The following SIDT1 variants were observed in gnomAD, a reference collection of about 807,000 sequenced individuals.
SIDT1 encodes SID1 transmembrane family, member 1.
SIDT1 carries 101 observed loss-of-function variants against 107.5 expected under a neutral mutation model. That is an observed-to-expected ratio of 0.94 (90% CI 0.80 to 1.11). SIDT1 has a LOEUF of 1.11. Ranked by LOEUF, SIDT1 falls within the 50% of genes least tolerant of loss-of-function variation. The probability of loss-of-function intolerance (pLI) is 0.00; values close to 1 mark genes in which losing one functional copy is unlikely to be tolerated. For missense variants in SIDT1, 1,076 were observed against 1,058.2 expected, an observed-to-expected ratio of 1.02 and a Z score of -0.23; for synonymous variants, 395 against 398.2, an observed-to-expected ratio of 0.99 and a Z score of 0.10.
intron 19 of SIDT1, 36 bp from the exon 20 acceptor site, chr3:113,616,064 C>T (rs200730487): frequency 6.7e-7 from 1 of 1,497,230 alleles, no homozygotes; most frequent in Admixed American, 1.7e-5. Flanking sequence ...TTTTTGTTGA[C>T]TAAGCCTTCT....
At chr3:113,551,869 A>C (rs1240296549) in intron 1 of SIDT1, among the ~76,000 whole-genome samples, 1 of 149,414 alleles carries the variant, frequency 6.7e-6, no homozygotes, top group Admixed American at 6.7e-5. Flanking sequence ...TGTGTGTTTT[A>C]TTTTCATCAA....
At chr3:113,560,416 G>A (rs1169065493) in intron 1 of SIDT1, among the ~76,000 whole-genome samples, 1 of 152,204 alleles carries the variant, frequency 6.6e-6, no homozygotes, top group Non-Finnish European at 1.5e-5. Flanking sequence ...GGGCACAGTT[G>A]CCTTTAGAAT....
rs1374498696 is a variant in SIDT1 at position 113,629,209 on chromosome 3, T to C, written c.*1501T>C. On this transcript the variant is annotated 3_prime_UTR_variant, in exon 25 of 25. Transcript: ENST00000264852. ...ATTTTAGAAGTTTGAACAGCAAGCTTTTCCTGATTTTAAAAACACAAAGTT... is the reference window on the plus strand; with the variant it reads ...ATTTTAGAAGTTTGAACAGCAAGCTCTTCCTGATTTTAAAAACACAAAGTT... 6.6e-6 allele frequency: 1 copy of C among 152,234 alleles called. No homozygotes were observed. The highest frequency in any genetic ancestry group is 2.4e-5 in the African/African-American group (1 of 41,456). The allele number at this position is 152,234 out of a possible 1,614,324, so 9.4% of individuals were successfully genotyped here.
chr3:113,533,340 CTT>C, intron 1 of SIDT1, 97 bp downstream of exon 1: 1 of 959,378 alleles, frequency 1.0e-6, no homozygotes, highest in Non-Finnish European at 1.4e-6. Context: ...CCTTGGGAGA[CTT>C]CGGGGACCAG....
Position 113,580,618 on chromosome 3 carries a change from A to G in SIDT1, c.572A>G (p.Tyr191Cys), listed in dbSNP as rs758518132. 1.3e-6 allele frequency: 2 copies of G among 1,598,404 alleles called. No individual in the cohort carries two copies. The highest frequency in any genetic ancestry group is 1.3e-5 in the African/African-American group (1 of 74,656). ...ASPSQPQYFL[Y>C]KFPKDVDSVI... ...TTTTCTTATTCTCAGTATTTTCTATACAAGTTTCCCAAAGACGTGGACTCA... is the reference window on the plus strand; with the variant it reads ...TTTTCTTATTCTCAGTATTTTCTATGCAAGTTTCCCAAAGACGTGGACTCA... The change falls in exon 5 of 25, where the codon TAC becomes TGC. Residue 191 changes from tyrosine (Y) to cysteine (C), a missense_variant. Transcript: ENST00000264852.
chr3:113,605,274 C>A (rs1366241720), intron 14 of SIDT1, among the ~76,000 whole-genome samples: 1 of 152,064 alleles, frequency 6.6e-6, no homozygotes, highest in Non-Finnish European at 1.5e-5. Context: ...AGGCATGTGC[C>A]ACCATGCCCA....
At chr3:113,619,834 A>AG (rs775264676) in intron 21 of SIDT1, 108 bp downstream of exon 21, 1 of 1,007,146 alleles carries the variant, frequency 9.9e-7, no homozygotes. Flanking sequence ...ATTAAGGAGA[A>AG]GGTAGGACTG....
intron 23 of SIDT1, among the ~76,000 whole-genome samples, chr3:113,624,694 C>T (rs1027770197): frequency 2.6e-5 from 4 of 152,096 alleles, no homozygotes; most frequent in African/African-American, 9.7e-5. Flanking sequence ...CTCCCTCTCC[C>T]CCCACCCTTC....
Position 113,623,725 on chromosome 3 carries a change from A to G in SIDT1, c.2299A>G (p.Ser767Gly). The G allele has an allele frequency of 1.9e-6, 3 of 1,612,762 alleles. No individual in the cohort carries two copies. The highest frequency in any genetic ancestry group is 2.5e-6 in the Non-Finnish European group (3 of 1,178,902). Residue 767 changes from serine (S) to glycine (G), a missense_variant, in exon 23 of 25, where the codon AGC becomes GGC. Coordinates refer to ENST00000264852, the MANE Select transcript of SIDT1 (RefSeq NM_017699.3). ...ATATTTTTTCTTCCAGAATCTCAGCAGCTGGGAGGTAAGAGGCCAGTTTTC... is the reference window on the plus strand; with the variant it reads ...ATATTTTTTCTTCCAGAATCTCAGCGGCTGGGAGGTAAGAGGCCAGTTTTC... ...ALYFFFQNLS[S>G]WEGTPAESRE... is the part of the protein sequence containing the mutation.
chr3:113,601,345 T>G (rs1944944582), intron 10 of SIDT1: 1 of 371,596 alleles, frequency 2.7e-6, no homozygotes, highest in African/African-American at 2.1e-5. Context: ...AACATTATTC[T>G]TCTTTGGATT....
chr3:113,592,688 A>C, intron 9 of SIDT1: 1 of 301,252 alleles, frequency 3.3e-6, no homozygotes, highest in Non-Finnish European at 6.5e-6. Context: ...CCTGGGTTCA[A>C]GCAATTCTCC....
chr3:113,587,518 ACTT>A (rs770657970), intron 9 of SIDT1, among the ~76,000 whole-genome samples: 100 of 152,252 alleles, frequency 6.6e-4, no homozygotes, highest in Non-Finnish European at 1.0e-3. Context: ...GCTCTAATTA[ACTT>A]CTTCTTGATG....
Position 113,623,690 on chromosome 3 carries a change from C to G in SIDT1, c.2264C>G (p.Ala755Gly), listed in dbSNP as rs1946641369. Reference sequence around the variant, plus strand: ...ATCGTGGCCACCGCTGTGATGTGGGCTGCCGCCCTATATTTTTTCTTCCAG... The same window carrying G: ...ATCGTGGCCACCGCTGTGATGTGGGGTGCCGCCCTATATTTTTTCTTCCAG... ...FCIVATAVMW[A>G]AALYFFFQNL... Residue 755 changes from alanine to glycine, a missense_variant, in exon 23 of 25, where the codon GCT becomes GGT. Transcript: ENST00000264852. The G allele has an allele frequency of 6.2e-7, 1 of 1,614,110 alleles. No individual in the cohort carries two copies. Among genetic ancestry groups the G allele is most frequent in the Non-Finnish European group, 8.5e-7 (1 of 1,180,000 alleles).
At chr3:113,597,064 A>C (rs1361795735) in intron 10 of SIDT1, among the ~76,000 whole-genome samples, 2 of 152,104 alleles carry the variant, frequency 1.3e-5, no homozygotes, top group African/African-American at 4.8e-5. Context: ...TTCTTTTTCT[A>C]GTTTTCTTGT....
Position 113,616,291 on chromosome 3 carries a change from C to G in SIDT1, c.2043+115C>G, listed in dbSNP as rs963363891. On this transcript the variant is annotated intron_variant, in intron 20 of 24. Coordinates refer to ENST00000264852, the MANE Select transcript of SIDT1 (RefSeq NM_017699.3). ...CTAAAATCAAGAAGGCCAGATGGCCCAGGGTGGCTAAAGGCCCATTAGTGG... is the reference window on the plus strand; with the variant it reads ...CTAAAATCAAGAAGGCCAGATGGCCGAGGGTGGCTAAAGGCCCATTAGTGG... 1.0e-5 allele frequency: 8 copies of G among 786,728 alleles called. No individual in the cohort carries two copies. The Admixed American group carries it at 1.6e-4, about 16-fold the overall frequency. 48.7% of individuals were successfully genotyped at this position (786,728 alleles called of 1,614,324 possible).
rs755414567 is a variant in SIDT1, at chr3:113,581,345, C to T, written c.664-16C>T. ...ATTATGGATGCTTTCCATTTTATTC[C>T]TCATGCATGCTGCAGTGCCCGGTGT... On this transcript the variant is annotated splice_polypyrimidine_tract_variant and intron_variant, in intron 5 of 24. Coordinates refer to ENST00000264852, the MANE Select transcript of SIDT1 (RefSeq NM_017699.3). 5.0e-6 allele frequency: 8 copies of T among 1,604,668 alleles called. No homozygotes were observed. In the South Asian group the frequency reaches 5.5e-5, roughly 11 times the overall value.
In SIDT1 at chr3:113,533,064, T is replaced by C. The variant is rs1937640326; in HGVS notation, c.43T>C (p.Trp15Arg). The change falls in exon 1 of 25, where the codon TGG becomes CGG. Residue 15 changes from tryptophan (W) to arginine (R), a missense_variant. Transcript: ENST00000264852. The part of the protein sequence containing the change: ...LRLALLCALP[W>R]LLLAASPGHP... ...GCTCGCGCTGCTCTGCGCGCTGCCCTGGCTCCTGCTGGCGGCGTCGCCCGG... is the reference window on the plus strand; with the variant it reads ...GCTCGCGCTGCTCTGCGCGCTGCCCCGGCTCCTGCTGGCGGCGTCGCCCGG... The C allele has an allele frequency of 6.7e-7, 1 of 1,488,588 alleles. No individual in the cohort carries two copies. The highest frequency in any genetic ancestry group is 8.9e-7 in the Non-Finnish European group (1 of 1,119,964). 92.2% of individuals were successfully genotyped at this position (1,488,588 alleles called of 1,614,324 possible).
At chr3:113,549,899 A>T (rs1940023047) in intron 1 of SIDT1, among the ~76,000 whole-genome samples, 1 of 152,184 alleles carries the variant, frequency 6.6e-6, no homozygotes, top group Non-Finnish European at 1.5e-5. Flanking sequence ...ATAATCCATT[A>T]TGAGTTAATT....
At chr3:113,619,963 A>G in intron 21 of SIDT1, 1 of 439,752 alleles carries the variant, frequency 2.3e-6, no homozygotes, top group Non-Finnish European at 4.2e-6. Context: ...AAAACTTGTT[A>G]AGTCTATGTG....
Sources: gnomAD v4.1 joint callset for allele counts (sites outside exome capture counted in the v4.1 genomes callset) on GRCh38, gnomAD v4.1.1 for gene constraint, MANE v1.5 for transcripts, NCBI Gene and HGNC (gene_info 2026-07-23, HGNC 2026-07-21) for gene names.